FGD4: variants seen among roughly 807,000 people sequenced by gnomAD.
FGD4 encodes FYVE, RhoGEF and PH domain containing 4, also known as FYVE, RhoGEF and PH domain-containing protein 4.
In FGD4, 42 loss-of-function variants were observed where a neutral mutation model predicts 102.0. That is an observed-to-expected ratio of 0.41 (90% CI 0.32 to 0.53). FGD4 has a LOEUF of 0.53. FGD4 is among the 20% of genes least tolerant of loss of function. The probability of loss-of-function intolerance (pLI) is 0.21; values close to 1 mark genes in which losing one functional copy is unlikely to be tolerated. For missense variants in FGD4, 902 were observed against 1,078.2 expected (o/e 0.84, Z 2.29); for synonymous variants, 380 against 375.7 (o/e 1.01, Z -0.13).
intron 1 of FGD4, among the ~76,000 whole-genome samples, chr12:32,470,919 C>G (rs1257425208): frequency 3.9e-5 from 6 of 152,112 alleles, no homozygotes; most frequent in African/African-American, 1.4e-4. Context: ...CTGACATGTC[C>G]CATCCTTGGG....
At chr12:32,600,998 C>A (rs1482197453) in intron 5 of FGD4, among the ~76,000 whole-genome samples, 1 of 152,142 alleles carries the variant, frequency 6.6e-6, no homozygotes, top group Non-Finnish European at 1.5e-5. Flanking sequence ...CTATTAACCT[C>A]AACTGGAAAT....
In FGD4 at chr12:32,598,766, A is replaced by G. The variant is rs59670367; in HGVS notation, c.1101+180A>G. On this transcript the variant is annotated intron_variant, in intron 5 of 16. Transcript: ENST00000534526. ...GTGAGTGAATTCACTAGGTATAAGC[A>G]TTTTCTAATTTGTAAAGAGTAGAGG... Among the ~76,000 whole-genome samples the G allele has an allele frequency of 0.029, 4,348 of 152,304 alleles. 229 individuals are homozygous for G. Among genetic ancestry groups the G allele is most frequent in the African/African-American group, 0.1 (4,172 of 41,554 alleles).
chr12:32,570,660 C>T (rs1945586916), intron 2 of FGD4, among the ~76,000 whole-genome samples: 1 of 152,056 alleles, frequency 6.6e-6, no homozygotes, highest in Non-Finnish European at 1.5e-5. Flanking sequence ...AGGCTGGTCT[C>T]GAACTCCTGA....
intron 10 of FGD4, 73 bp downstream of exon 10, chr12:32,611,356 C>G (rs1949122454): frequency 1.3e-6 from 2 of 1,572,926 alleles, no homozygotes; most frequent in Non-Finnish European, 8.7e-7. Flanking sequence ...TGGCTCATGC[C>G]TGTAATCCCA....
chr12:32,612,004 C>A (rs1283377015), intron 10 of FGD4, among the ~76,000 whole-genome samples: 1 of 152,266 alleles, frequency 6.6e-6, no homozygotes, highest in African/African-American at 2.4e-5. Flanking sequence ...AAATTTGGAG[C>A]CAAGCCTAGG....
rs1479807892 is a variant in FGD4 at position 32,419,291 on chromosome 12, T to A, written c.166+19332T>A. Among the ~76,000 whole-genome samples the A allele has an allele frequency of 3.9e-5, 6 of 152,326 alleles. No individual in the cohort carries two copies. In the South Asian group the frequency reaches 1.0e-3, roughly 26 times the overall value. On this transcript the variant is annotated intron_variant, in intron 1 of 16. Coordinates refer to ENST00000534526, the MANE Select transcript of FGD4 (RefSeq NM_001370298.3). ...TCACTGTAGCCCTCACAGCTGGGAA[T>A]GTGCTGGGTCACACCTGAAGCCAGC...
rs183265663 is a variant in FGD4 at position 32,435,737 on chromosome 12, G to T, written c.166+35778G>T. Among the ~76,000 whole-genome samples, 607 of 152,178 alleles carry T rather than the reference G, an allele frequency of 4.0e-3. 8 individuals carry two copies. The highest frequency in any genetic ancestry group is 0.014 in the African/African-American group (571 of 41,506). ...TTTACATGGTATTTCTGGCAGTGAT[G>T]GGTGGCCCCGCTTTCTGATTACATA... On this transcript the variant is annotated intron_variant, in intron 1 of 16. Coordinates refer to ENST00000534526, the MANE Select transcript of FGD4 (RefSeq NM_001370298.3).
At chr12:32,570,044 C>T (rs1945513971) in intron 2 of FGD4, among the ~76,000 whole-genome samples, 2 of 151,844 alleles carry the variant, frequency 1.3e-5, no homozygotes, top group Non-Finnish European at 2.9e-5. Context: ...AGTTCGAGAC[C>T]AGCCTGGCCA....
At chr12:32,613,267 G>A (rs1170643836) in intron 10 of FGD4, among the ~76,000 whole-genome samples, 2 of 152,170 alleles carry the variant, frequency 1.3e-5, no homozygotes, top group Non-Finnish European at 2.9e-5. Context: ...TCCATTGAAA[G>A]GAAAACTTAG....
intron 4 of FGD4, among the ~76,000 whole-genome samples, chr12:32,591,813 C>G (rs535318838): frequency 8.5e-5 from 13 of 152,238 alleles, no homozygotes; most frequent in African/African-American, 3.1e-4. Context: ...ACAACCAGGC[C>G]GAACCTAAGC....
At chr12:32,580,542 C>G (rs1418538857) in intron 3 of FGD4, among the ~76,000 whole-genome samples, 1 of 152,016 alleles carries the variant, frequency 6.6e-6, no homozygotes, top group Non-Finnish European at 1.5e-5. Flanking sequence ...AAGAGTATAG[C>G]CCACAGTTTT....
At chr12:32,478,457 G>A (rs1313326645) in intron 1 of FGD4, among the ~76,000 whole-genome samples, 5 of 152,072 alleles carry the variant, frequency 3.3e-5, no homozygotes, top group Non-Finnish European at 7.4e-5. Context: ...GTACAGATGG[G>A]GTTTCACCAT....
chr12:32,597,500 C>T (rs7315064), intron 4 of FGD4, among the ~76,000 whole-genome samples: 3,377 of 152,246 alleles, frequency 0.022, 111 homozygotes, highest in African/African-American at 0.077. Flanking sequence ...CTTGTGTTGT[C>T]AGCATGTCAA....
intron 1 of FGD4, among the ~76,000 whole-genome samples, chr12:32,464,400 AC>A (rs2136502974): frequency 6.6e-6 from 1 of 151,248 alleles, no homozygotes; most frequent in East Asian, 1.9e-4. Flanking sequence ...CAATCCGCCC[AC>A]CTCGGTCTCC....
At chr12:32,618,085 G>C (rs531052127) in intron 10 of FGD4, among the ~76,000 whole-genome samples, 6 of 152,198 alleles carry the variant, frequency 3.9e-5, no homozygotes, top group Non-Finnish European at 8.8e-5. Context: ...TCATGTGAGC[G>C]TAACTACAAA....
At chr12:32,519,295 G>C (rs572469173) in intron 1 of FGD4, among the ~76,000 whole-genome samples, 1 of 152,238 alleles carries the variant, frequency 6.6e-6, no homozygotes, top group Admixed American at 6.5e-5. Context: ...ATTTGAATGA[G>C]TTAGAAAGTA....
At chr12:32,608,141 T>G (rs775621324) in intron 8 of FGD4, 46 bp downstream of exon 8, 2 of 1,611,168 alleles carry the variant, frequency 1.2e-6, no homozygotes, top group Non-Finnish European at 1.7e-6. Flanking sequence ...AATAATCAAG[T>G]GGCCAAGCAG....
At chr12:32,566,974 C>T (rs908124648) in intron 2 of FGD4, among the ~76,000 whole-genome samples, 6 of 152,170 alleles carry the variant, frequency 3.9e-5, no homozygotes, top group African/African-American at 1.4e-4. Flanking sequence ...GTTAAGTCTG[C>T]CTTTCTTCCT....
Position 32,506,562 on chromosome 12 carries a change from A to G in FGD4, c.167-57575A>G, listed in dbSNP as rs565424080. Among the ~76,000 whole-genome samples the G allele has an allele frequency of 1.3e-5, 2 of 152,304 alleles. No homozygotes were observed. The highest frequency in any genetic ancestry group is 4.8e-5 in the African/African-American group (2 of 41,570). Reference sequence around the variant, plus strand: ...ACAACTTTCCTGTGGGCCTTTCCACAGGTATACGACCCGCACTTGCATACT... The same window carrying G: ...ACAACTTTCCTGTGGGCCTTTCCACGGGTATACGACCCGCACTTGCATACT... On this transcript the variant is annotated intron_variant, in intron 1 of 16. Coordinates refer to ENST00000534526, the MANE Select transcript of FGD4 (RefSeq NM_001370298.3). This position sits in a 1 kb window ranked among gnomAD's most constrained non-coding sequence, Gnocchi z 4.5.
Sources: gnomAD v4.1 joint callset for allele counts (sites outside exome capture counted in the v4.1 genomes callset) on GRCh38, gnomAD v4.1.1 for gene constraint, Gnocchi (gnomAD v3.1) non-coding constraint, MANE v1.5 for transcripts, NCBI Gene and HGNC (gene_info 2026-07-23, HGNC 2026-07-21) for gene names.